Variants in DKK3 observed in about 807,000 individuals in gnomAD.
The protein encoded by DKK3 is dickkopf Wnt signaling pathway inhibitor 3.
A neutral mutation model predicts 33.2 loss-of-function variants in DKK3; 22 were observed. The observed-to-expected ratio is 0.66, with a 90% CI of 0.47 to 0.95. The LOEUF (loss-of-function observed/expected upper bound fraction) is 0.95, where lower values mean the gene tolerates loss of function less well. DKK3 is among the 40% of genes least tolerant of loss of function. The pLI is 0.00. For missense variants in DKK3, 398 were observed against 458.4 expected (o/e 0.87, Z 1.20); for synonymous variants, 194 against 188.8 (o/e 1.03, Z -0.23).
At position 11,970,028 on chromosome 11, in the gene DKK3, G is replaced by A. The variant is rs543071928; in HGVS notation, c.436-1541C>T. ...AGGGCTGGGAACAAATCACAGACGC[G>A]CTTTGTCTCAGCCCAGCACACGCTC... On this transcript the variant is annotated intron_variant, in intron 3 of 6. Coordinates refer to ENST00000683431, the MANE Select transcript of DKK3 (RefSeq NM_001018057.2). Among the ~76,000 whole-genome samples, 6 of 152,288 alleles carry A rather than the reference G, an allele frequency of 3.9e-5. No individual in the cohort carries two copies. The South Asian group carries it at 8.3e-4, about 21-fold the overall frequency.
At chr11:11,988,656 C>A (rs1384890478) in intron 3 of DKK3, among the ~76,000 whole-genome samples, 3 of 152,224 alleles carry the variant, frequency 2.0e-5, no homozygotes, top group Non-Finnish European at 4.4e-5. Flanking sequence ...GCCCCTCATG[C>A]CTCTGGGGAG....
chr11:12,004,839 T>C (rs945276129), intron 1 of DKK3, among the ~76,000 whole-genome samples: 5 of 152,226 alleles, frequency 3.3e-5, no homozygotes, highest in Admixed American at 6.5e-5. Context: ...CCAGTTTGTT[T>C]TGCCAGAGTT....
At chr11:12,009,668 T>C (rs1194836627), upstream of DKK3, 4 of 985,596 alleles carry the variant, frequency 4.1e-6, no homozygotes, top group African/African-American at 7.0e-5. Flanking sequence ...CTCTGTCCTG[T>C]GAAATCCTCA....
chr11:11,966,033 A>G, intron 5 of DKK3, 68 bp from the exon 6 acceptor site: 2 of 1,514,008 alleles, frequency 1.3e-6, no homozygotes, highest in Non-Finnish European at 1.8e-6. Context: ...GGGAGGGGCA[A>G]AGAAATGGAG....
At chr11:11,966,060 C>T (rs545970307) in intron 5 of DKK3, 95 bp from the exon 6 acceptor site, 3 of 1,389,028 alleles carry the variant, frequency 2.2e-6, no homozygotes, top group South Asian at 1.4e-5. Context: ...CTCCCACCTC[C>T]CACCCTCAAC....
Position 11,998,236 on chromosome 11 carries a change from C to A in DKK3, c.435+460G>T, listed in dbSNP as rs1356907699. 2.4e-5 allele frequency: 5 copies of A among 210,724 alleles called. No individual in the cohort carries two copies. In the East Asian group the frequency reaches 6.1e-4, roughly 26 times the overall value. 13.1% of individuals were successfully genotyped at this position (210,724 alleles called of 1,614,324 possible). On this transcript the variant is annotated intron_variant, in intron 3 of 6. Coordinates refer to ENST00000683431, the MANE Select transcript of DKK3 (RefSeq NM_001018057.2). ...GCAATCACAGGGGACCAGAGCCTAG[C>A]CCTGAAATGGACGGACAGCCTTTTT...
intron 3 of DKK3, among the ~76,000 whole-genome samples, chr11:11,991,321 T>C (rs1848182499): frequency 6.6e-6 from 1 of 152,170 alleles, no homozygotes; most frequent in Admixed American, 6.5e-5. Context: ...ATTTGATCTC[T>C]AGTGTTGGAG....
At chr11:11,981,148 A>ATGC (rs1254233698) in intron 3 of DKK3, among the ~76,000 whole-genome samples, 3 of 152,200 alleles carry the variant, frequency 2.0e-5, no homozygotes, top group Non-Finnish European at 4.4e-5. Flanking sequence ...GGAGGAAGTA[A>ATGC]TGCTGCATAA....
chr11:11,993,163 T>G (rs1258714303), intron 3 of DKK3, among the ~76,000 whole-genome samples: 1 of 151,760 alleles, frequency 6.6e-6, no homozygotes, highest in African/African-American at 2.4e-5. Flanking sequence ...TATAGAGATG[T>G]TTAGACCAAA....
intron 3 of DKK3, among the ~76,000 whole-genome samples, chr11:11,996,328 G>A (rs767974211): frequency 6.6e-6 from 1 of 152,166 alleles, no homozygotes; most frequent in Non-Finnish European, 1.5e-5. Flanking sequence ...AAAGAGCTCC[G>A]TGTCTCTGTA....
At chr11:11,978,338 C>A (rs1847878770) in intron 3 of DKK3, among the ~76,000 whole-genome samples, 1 of 152,166 alleles carries the variant, frequency 6.6e-6, no homozygotes, top group Admixed American at 6.5e-5. Flanking sequence ...CCACTCACGA[C>A]CCCAGATTCT....
intron 6 of DKK3, among the ~76,000 whole-genome samples, chr11:11,965,230 A>G (rs940387648): frequency 6.6e-6 from 1 of 152,240 alleles, no homozygotes; most frequent in African/African-American, 2.4e-5. Flanking sequence ...CTCTGGGATT[A>G]CAGGTGTGAG....
Position 11,967,048 on chromosome 11 carries a change from AC to A in DKK3, c.578del (p.Gly193ValfsTer64). 1 of 1,613,836 alleles carries A rather than the reference AC, an allele frequency of 6.2e-7. No homozygotes were observed. The highest frequency in any genetic ancestry group is 8.5e-7 in the Non-Finnish European group (1 of 1,179,984). The part of the protein sequence containing the change: ...ECCGDQLCVW[G>X]HCTKMATRGS... ...CCCTGGTGGCCATTTTGGTGCAGTGACCCCAGACACACAGCTGGTCTCCACA... is the reference window on the plus strand; with the variant it reads ...CCCTGGTGGCCATTTTGGTGCAGTGACCCAGACACACAGCTGGTCTCCACA... On this transcript the variant is annotated frameshift_variant, in exon 5 of 7. Transcript: ENST00000683431. LOFTEE classifies it high-confidence loss of function.
chr11:11,992,533 C>T (rs1451035081), intron 3 of DKK3, among the ~76,000 whole-genome samples: 2 of 152,206 alleles, frequency 1.3e-5, no homozygotes, highest in Admixed American at 6.5e-5. Flanking sequence ...ACATTGAGCA[C>T]TCAAATGTTC....
upstream of DKK3, chr11:12,008,731 C>A: frequency 8.3e-7 from 1 of 1,202,650 alleles, no homozygotes; most frequent in Middle Eastern, 3.3e-4. The surrounding 1 kb of genome is among the most constrained non-coding windows in gnomAD (Gnocchi z 4.6). Context: ...CGCCCGGAGA[C>A]GGGAGGAAAC....
chr11:11,968,768 A>C, intron 3 of DKK3: 1 of 311,658 alleles, frequency 3.2e-6, no homozygotes, highest in Non-Finnish European at 5.9e-6. Context: ...ACCCACACCC[A>C]GGGCGGGAGC....
intron 3 of DKK3, among the ~76,000 whole-genome samples, chr11:11,969,055 G>T (rs1847667202): frequency 6.6e-6 from 1 of 152,152 alleles, no homozygotes; most frequent in Admixed American, 6.5e-5. Flanking sequence ...AGAGGAGGGT[G>T]GCTGGACTCC....
intron 3 of DKK3, chr11:11,978,709 G>A (rs528954135): frequency 2.0e-5 from 3 of 152,040 alleles, no homozygotes; most frequent in Non-Finnish European, 2.9e-5. Flanking sequence ...AAAGCCTCTG[G>A]ATTGTGTATG....
chr11:11,982,620 T>C (rs1437679301), intron 3 of DKK3, among the ~76,000 whole-genome samples: 1 of 152,138 alleles, frequency 6.6e-6, no homozygotes, highest in South Asian at 2.1e-4. Context: ...TGTTCAGCCG[T>C]GGAGGGTAGC....
Sources: allele counts gnomAD v4.1 joint callset (sites outside exome capture counted in the v4.1 genomes callset), GRCh38; gene constraint gnomAD v4.1.1; non-coding constraint Gnocchi (gnomAD v3.1); transcripts MANE v1.5; gene names NCBI Gene and HGNC (gene_info 2026-07-23, HGNC 2026-07-21).